THSD7A: variants seen among roughly 807,000 people sequenced by gnomAD.
THSD7A encodes the protein thrombospondin type 1 domain containing 7A.
THSD7A carries 96 observed loss-of-function variants against 231.3 expected under a neutral mutation model. The observed-to-expected ratio is 0.41, with a 90% CI of 0.35 to 0.49. The LOEUF is 0.49. Among genes scored for constraint, THSD7A ranks in the 20% least tolerant of loss-of-function variants. The probability of loss-of-function intolerance (pLI) is 0.05; values close to 1 mark genes in which losing one functional copy is unlikely to be tolerated. For missense variants in THSD7A, 2,290 were observed against 2,070.2 expected, an observed-to-expected ratio of 1.11 and a Z score of -2.06; for synonymous variants, 940 against 743.3, an observed-to-expected ratio of 1.26 and a Z score of -4.30.
intron 6 of THSD7A, among the ~76,000 whole-genome samples, chr7:11,530,751 T>C (rs191139553): frequency 1.3e-5 from 2 of 152,124 alleles, no homozygotes; most frequent in East Asian, 3.9e-4. Flanking sequence ...GGCTCATGCC[T>C]GTAAATCCCA....
intron 23 of THSD7A, among the ~76,000 whole-genome samples, chr7:11,394,248 C>T (rs1450597982): frequency 2.0e-5 from 3 of 152,198 alleles, no homozygotes; most frequent in East Asian, 1.9e-4. Flanking sequence ...CACAATTTCA[C>T]ATCCAGCCAA....
At chr7:11,714,613 T>G (rs1401466623) in intron 1 of THSD7A, among the ~76,000 whole-genome samples, 2 of 151,230 alleles carry the variant, frequency 1.3e-5, no homozygotes, top group African/African-American at 2.4e-5. Flanking sequence ...TTTCTCACCC[T>G]TGTTTTCTTA....
chr7:11,460,237 T>C (rs1785454692), intron 11 of THSD7A, among the ~76,000 whole-genome samples: 1 of 152,166 alleles, frequency 6.6e-6, no homozygotes, highest in South Asian at 2.1e-4. Context: ...CTGAAAAAGT[T>C]AACTAATTCT....
At chr7:11,810,801 G>A (rs1455278027) in intron 1 of THSD7A, among the ~76,000 whole-genome samples, 4 of 152,228 alleles carry the variant, frequency 2.6e-5, no homozygotes, top group African/African-American at 9.6e-5. Flanking sequence ...ATGTGGATGT[G>A]AGTAGAATGG....
At chr7:11,432,476 C>A (rs775839921) in intron 13 of THSD7A, among the ~76,000 whole-genome samples, 4 of 152,074 alleles carry the variant, frequency 2.6e-5, no homozygotes, top group African/African-American at 9.7e-5. Flanking sequence ...GCAGCCACTG[C>A]CCCTTCTTAC....
chr7:11,677,613 A>AAAAAAAAAAAAAG (rs1783694236), intron 1 of THSD7A, among the ~76,000 whole-genome samples: 1 of 112,746 alleles, frequency 8.9e-6, no homozygotes, highest in African/African-American at 3.2e-5. Context: ...AAAAAAAAAA[A>AAAAAAAAAAAAAG]GCAGGGGTTG....
intron 1 of THSD7A, among the ~76,000 whole-genome samples, chr7:11,801,521 G>A (rs529096557): frequency 6.6e-6 from 1 of 152,254 alleles, no homozygotes; most frequent in East Asian, 1.9e-4. Context: ...TGGTGCATAT[G>A]AGTTCAAAAG....
chr7:11,793,219 A>G (rs568111808), intron 1 of THSD7A, among the ~76,000 whole-genome samples: 54 of 152,106 alleles, frequency 3.6e-4, no homozygotes, highest in African/African-American at 1.3e-3. Context: ...AAGATGCCGA[A>G]ATTTTAATGA....
At chr7:11,566,109 A>G (rs1414531313) in intron 4 of THSD7A, among the ~76,000 whole-genome samples, 1 of 151,500 alleles carries the variant, frequency 6.6e-6, no homozygotes, top group Non-Finnish European at 1.5e-5. Context: ...CTTAAAAACA[A>G]ATACGAAAGG....
At chr7:11,583,508 T>G (rs1369451046) in intron 4 of THSD7A, among the ~76,000 whole-genome samples, 4 of 152,102 alleles carry the variant, frequency 2.6e-5, no homozygotes, top group Non-Finnish European at 5.9e-5. Context: ...ACTCCCAGAC[T>G]CAAGTTATCC....
chr7:11,739,144 A>G (rs1228322623), intron 1 of THSD7A, among the ~76,000 whole-genome samples: 1 of 152,050 alleles, frequency 6.6e-6, no homozygotes, highest in Non-Finnish European at 1.5e-5. Context: ...TAATTTGACT[A>G]TGGAGAAAGT....
intron 1 of THSD7A, among the ~76,000 whole-genome samples, chr7:11,739,145 T>C (rs185669275): frequency 6.8e-4 from 104 of 152,100 alleles, no homozygotes; most frequent in African/African-American, 2.3e-3. Flanking sequence ...AATTTGACTA[T>C]GGAGAAAGTA....
Position 11,379,681 on chromosome 7 carries a change from G to A in THSD7A, c.4539C>T (p.Ala1513=), listed in dbSNP as rs761976977. The A allele has an allele frequency of 3.1e-6, 5 of 1,593,278 alleles. No individual in the cohort carries two copies. Among genetic ancestry groups the A allele is most frequent in the East Asian group, 4.5e-5 (2 of 44,004 alleles). The change falls in exon 25 of 28, where the codon GCC becomes GCT. Residue 1513 remains alanine, a synonymous_variant. Coordinates refer to ENST00000423059, the MANE Select transcript of THSD7A (RefSeq NM_015204.3). ...GGCLVMSQPD[A]DRSCNPPCSQ... ...TACACGGTGGGTTACAAGACCTGTCGGCATCAGGCTGGCTCATCACCAAGC... is the reference window on the plus strand; with the variant it reads ...TACACGGTGGGTTACAAGACCTGTCAGCATCAGGCTGGCTCATCACCAAGC...
chr7:11,719,131 A>G (rs1361285195), intron 1 of THSD7A, among the ~76,000 whole-genome samples: 1 of 151,612 alleles, frequency 6.6e-6, no homozygotes, highest in Admixed American at 6.6e-5. Context: ...ATCCCCCAGA[A>G]AAGGTAAGCC....
intron 1 of THSD7A, among the ~76,000 whole-genome samples, chr7:11,719,185 T>C (rs1781255963): frequency 6.6e-6 from 1 of 151,622 alleles, no homozygotes; most frequent in Non-Finnish European, 1.5e-5. Context: ...ATTTCTCTAC[T>C]TCTTTATTCT....
intron 6 of THSD7A, among the ~76,000 whole-genome samples, chr7:11,516,191 T>A (rs1046189001): frequency 6.6e-6 from 1 of 152,226 alleles, no homozygotes; most frequent in African/African-American, 2.4e-5. Context: ...TTACTGAACT[T>A]ACTGCAAATA....
intron 6 of THSD7A, 49 bp downstream of exon 6, chr7:11,541,370 T>C (rs779428726): frequency 1.2e-5 from 18 of 1,553,750 alleles, no homozygotes; most frequent in Admixed American, 1.7e-5. Flanking sequence ...TAAAAACATA[T>C]ATGCAGGGTT....
Position 11,379,106 on chromosome 7 carries a change from G to T in THSD7A, c.4765C>A (p.Arg1589=), listed in dbSNP as rs752652034. The change falls in exon 26 of 28, where the codon CGG becomes AGG. Residue 1589 remains arginine, a synonymous_variant. Transcript: ENST00000423059. ...GGCTGTAGAAACCAGGTCCTTCCCC[G>T]TCCTGCTGGGTTACTGGAGGGTTGG... is the stretch of plus-strand genomic sequence containing the variant. ...PTQPSSNPAG[R]GRTWFLQPFG... is the part of the protein sequence containing the mutation. 1 of 1,613,504 alleles carries T rather than the reference G, an allele frequency of 6.2e-7. No homozygotes were observed. Among genetic ancestry groups the T allele is most frequent in the Non-Finnish European group, 8.5e-7 (1 of 1,179,658 alleles).
Position 11,662,782 on chromosome 7 carries a change from A to G in THSD7A, c.191-25821T>C, listed in dbSNP as rs1782979333. ...CAAAGAGACAAGTGGAAATGTTTTG[A>G]GTGACTAAAATTAACAGCACACATC... On this transcript the variant is annotated intron_variant, in intron 1 of 27. Coordinates refer to ENST00000423059, the MANE Select transcript of THSD7A (RefSeq NM_015204.3). Among the ~76,000 whole-genome samples the G allele has an allele frequency of 7.3e-5, 11 of 151,392 alleles. No individual in the cohort carries two copies. In the South Asian group the frequency reaches 2.3e-3, roughly 31 times the overall value.
Sources: allele counts gnomAD v4.1 joint callset (sites outside exome capture counted in the v4.1 genomes callset), GRCh38; gene constraint gnomAD v4.1.1; transcripts MANE v1.5; gene names NCBI Gene and HGNC (gene_info 2026-07-23, HGNC 2026-07-21).